Variants in NKAIN3 observed in about 807,000 individuals in gnomAD.
NKAIN3 encodes sodium/potassium transporting ATPase interacting 3.
A neutral mutation model predicts 30.2 loss-of-function variants in NKAIN3; 25 were observed. That is an observed-to-expected ratio of 0.83 (90% CI 0.60 to 1.16). The LOEUF is 1.16. Ranked by LOEUF, NKAIN3 falls within the 50% of genes most tolerant of loss-of-function variation. NKAIN3 has a pLI of 0.00. For missense variants in NKAIN3, 225 were observed against 254.1 expected (o/e 0.89, Z 0.78); for synonymous variants, 91 against 89.6 (o/e 1.02, Z -0.09).
chr8:62,750,858 C>T (rs1816257839), intron 4 of NKAIN3, among the ~76,000 whole-genome samples: 1 of 152,026 alleles, frequency 6.6e-6, no homozygotes, highest in Non-Finnish European at 1.5e-5. Flanking sequence ...TGGTGAGTCC[C>T]CCGCTCTGTG....
In NKAIN3 at chr8:62,983,892, A is replaced by T. The variant is rs1404143968; in HGVS notation, c.*18485A>T. The T allele has an allele frequency of 6.6e-6, 1 of 152,230 alleles. No individual in the cohort carries two copies. Among genetic ancestry groups the T allele is most frequent in the African/African-American group, 2.4e-5 (1 of 41,458 alleles). The allele number at this position is 152,230 out of a possible 1,614,324, so 9.4% of individuals were successfully genotyped here. A position where few individuals can be genotyped will look rare whatever the true frequency, so the allele number is the denominator to read the frequency against. On this transcript the variant is annotated 3_prime_UTR_variant, in exon 7 of 7. Coordinates refer to ENST00000623646, the MANE Select transcript of NKAIN3 (RefSeq NM_001304533.3). ...TGATACAAACAGACATTTTCTTGTT[A>T]CATGTGTGGTGATCTGAGAATGGTG...
At chr8:62,468,111 T>G (rs1442399822) in intron 1 of NKAIN3, among the ~76,000 whole-genome samples, 1 of 152,204 alleles carries the variant, frequency 6.6e-6, no homozygotes, top group Non-Finnish European at 1.5e-5. Flanking sequence ...AATTATTATT[T>G]GACCAGAATC....
At chr8:62,601,101 C>T (rs1027416883) in intron 3 of NKAIN3, among the ~76,000 whole-genome samples, 2 of 152,014 alleles carry the variant, frequency 1.3e-5, no homozygotes, top group Non-Finnish European at 2.9e-5. Context: ...ACAATCTATC[C>T]ATTGTCTTTT....
chr8:62,549,343 G>A (rs1343007026), intron 1 of NKAIN3, among the ~76,000 whole-genome samples: 2 of 152,082 alleles, frequency 1.3e-5, no homozygotes, highest in South Asian at 2.1e-4. Flanking sequence ...TGGGGGATCG[G>A]AGGGGGGCCT....
chr8:62,917,318 G>A (rs1822138178), intron 4 of NKAIN3, among the ~76,000 whole-genome samples: 1 of 152,126 alleles, frequency 6.6e-6, no homozygotes, highest in Non-Finnish European at 1.5e-5. Flanking sequence ...AAGTGCTTTC[G>A]CAGCACCCCC....
At chr8:62,795,724 A>G (rs957005953) in intron 4 of NKAIN3, among the ~76,000 whole-genome samples, 8 of 152,202 alleles carry the variant, frequency 5.3e-5, no homozygotes. Context: ...AATTAGGTTC[A>G]GTATATATTA....
chr8:62,425,822 T>G (rs1286851236), intron 1 of NKAIN3, among the ~76,000 whole-genome samples: 1 of 151,982 alleles, frequency 6.6e-6, no homozygotes. Context: ...ATGCTTTGTT[T>G]AGTAGCTTGT....
chr8:62,761,395 C>A (rs1013879124), intron 4 of NKAIN3, among the ~76,000 whole-genome samples: 1 of 151,978 alleles, frequency 6.6e-6, no homozygotes, highest in African/African-American at 2.4e-5. Context: ...TTAGAGTATG[C>A]GAATCAGAAG....
In NKAIN3 at chr8:62,591,863, A is replaced by G. The variant is rs1810664348; in HGVS notation, c.273+2069A>G. Among the ~76,000 whole-genome samples the G allele has an allele frequency of 2.6e-5, 4 of 152,126 alleles. No individual in the cohort carries two copies. In the South Asian group the frequency reaches 8.3e-4, roughly 32 times the overall value. On this transcript the variant is annotated intron_variant, in intron 3 of 6. Coordinates refer to ENST00000623646, the MANE Select transcript of NKAIN3 (RefSeq NM_001304533.3). The stretch of plus-strand genomic sequence containing the variant: ...TATTTTGGAAAATAAAGCAAAGTTA[A>G]GGACCCTTGACAAACACAAATACCA...
intron 3 of NKAIN3, among the ~76,000 whole-genome samples, chr8:62,604,585 G>A (rs1050284075): frequency 6.6e-6 from 1 of 152,076 alleles, no homozygotes; most frequent in South Asian, 2.1e-4. Flanking sequence ...CTTTATTCTT[G>A]TAGGAGCCAC....
At chr8:62,820,927 A>G (rs78535618) in intron 4 of NKAIN3, among the ~76,000 whole-genome samples, 4,185 of 152,162 alleles carry the variant, frequency 0.028, 203 homozygotes, top group African/African-American at 0.095. Context: ...TCTTTGTGCT[A>G]TTTGCTTCCT....
chr8:62,358,558 T>C (rs1432178318), intron 1 of NKAIN3, among the ~76,000 whole-genome samples: 1 of 152,190 alleles, frequency 6.6e-6, no homozygotes, highest in African/African-American at 2.4e-5. Context: ...ATAGAATGTG[T>C]AATTTGTAAG....
intron 4 of NKAIN3, among the ~76,000 whole-genome samples, chr8:62,830,874 G>T (rs1486153891): frequency 6.6e-6 from 1 of 152,208 alleles, no homozygotes; most frequent in African/African-American, 2.4e-5. Flanking sequence ...CAGCACTGAT[G>T]CTTGTGCCTG....
rs375460630 is a variant in NKAIN3 at position 62,468,954 on chromosome 8, C to A, written c.55-110585C>A. Reference sequence around the variant, plus strand: ...ATCTACTAGGTTGGATATCTGCATTCTTCCCAATAATCAAATTTATTCTTG... The same window carrying A: ...ATCTACTAGGTTGGATATCTGCATTATTCCCAATAATCAAATTTATTCTTG... On this transcript the variant is annotated intron_variant, in intron 1 of 6. Coordinates refer to ENST00000623646, the MANE Select transcript of NKAIN3 (RefSeq NM_001304533.3). 2.3e-4 allele frequency among the ~76,000 whole-genome samples: 35 copies of A among 152,274 alleles called. No individual in the cohort carries two copies. In the East Asian group the frequency reaches 3.7e-3, roughly 16 times the overall value.
intron 4 of NKAIN3, among the ~76,000 whole-genome samples, chr8:62,770,422 C>T (rs1586178702): frequency 6.6e-6 from 1 of 152,288 alleles, no homozygotes; most frequent in East Asian, 1.9e-4. Context: ...TCTCACAGTT[C>T]TAGATGCTAG....
chr8:62,629,829 TTATAA>T (rs1483326421), intron 3 of NKAIN3, among the ~76,000 whole-genome samples: 3 of 152,160 alleles, frequency 2.0e-5, no homozygotes, highest in African/African-American at 7.2e-5. Context: ...GCATATGAAT[TTATAA>T]ACCTTATATA....
At chr8:62,662,373 A>G (rs1812972333) in intron 3 of NKAIN3, among the ~76,000 whole-genome samples, 1 of 152,202 alleles carries the variant, frequency 6.6e-6, no homozygotes, top group African/African-American at 2.4e-5. Context: ...GATGAGGGTC[A>G]CAGTGTCTTT....
At chr8:62,936,313 T>A (rs1822786264) in intron 5 of NKAIN3, among the ~76,000 whole-genome samples, 1 of 152,128 alleles carries the variant, frequency 6.6e-6, no homozygotes, top group South Asian at 2.1e-4. Flanking sequence ...TCCACTGAGC[T>A]GTGTAAGTGA....
intron 1 of NKAIN3, among the ~76,000 whole-genome samples, chr8:62,345,450 C>CAT (rs1487099962): frequency 1.3e-5 from 1 of 78,062 alleles, no homozygotes; most frequent in Non-Finnish European, 2.5e-5. Flanking sequence ...TATATACACA[C>CAT]ATATGTATAT....
Sources: allele counts gnomAD v4.1 joint callset (sites outside exome capture counted in the v4.1 genomes callset), GRCh38; gene constraint gnomAD v4.1.1; transcripts MANE v1.5; gene names NCBI Gene and HGNC (gene_info 2026-07-23, HGNC 2026-07-21).